MCF2L: variants seen among roughly 807,000 people sequenced by gnomAD.
MCF2L encodes the protein guanine nucleotide exchange factor DBS.
Under a neutral mutation model 153.4 loss-of-function variants are expected in MCF2L, and 97 were observed. The ratio of observed to expected loss-of-function variants is 0.63; its 90% confidence interval spans 0.54 to 0.75. MCF2L has a LOEUF of 0.75. Ranked by LOEUF, MCF2L falls within the 30% of genes least tolerant of loss-of-function variation. MCF2L has a pLI of 0.00. For synonymous variants in MCF2L, 659 were observed against 632.2 expected, an observed-to-expected ratio of 1.04 and a Z score of -0.64; for missense variants, 1,347 against 1,495.2, an observed-to-expected ratio of 0.90 and a Z score of 1.64.
chr13:113,075,850 G>A (rs903594499), intron 11 of MCF2L, 116 bp from the exon 12 acceptor site: 41 of 787,574 alleles, frequency 5.2e-5, no homozygotes, highest in African/African-American at 3.7e-4. Context: ...GCGGGAGCAC[G>A]AGGAGTCGGT....
intron 25 of MCF2L, among the ~76,000 whole-genome samples, chr13:113,089,114 A>G (rs1239191247): frequency 6.6e-6 from 1 of 151,258 alleles, no homozygotes; most frequent in Non-Finnish European, 1.5e-5. Flanking sequence ...GGAACAGGAT[A>G]TGGCCTAAAT....
chr13:113,025,360 T>C (rs183598568), intron 3 of MCF2L, among the ~76,000 whole-genome samples: 1 of 42,884 alleles, frequency 2.3e-5, no homozygotes, highest in Admixed American at 2.2e-4. Flanking sequence ...TGAGGTTTCG[T>C]CATGGTGGGG....
chr13:112,985,922 C>T (rs546518174), intron 1 of MCF2L, among the ~76,000 whole-genome samples: 8 of 152,322 alleles, frequency 5.3e-5, no homozygotes, highest in South Asian at 4.1e-4. Flanking sequence ...GGATCGGCCC[C>T]GGCACACCGA....
At chr13:113,037,663 G>C (rs1039704587) in intron 3 of MCF2L, among the ~76,000 whole-genome samples, 1 of 152,190 alleles carries the variant, frequency 6.6e-6, no homozygotes, top group Admixed American at 6.5e-5. Flanking sequence ...TTGAGGGATT[G>C]AGAGGCTGCA....
chr13:113,026,928 G>A (rs762877208), intron 3 of MCF2L: 22 of 773,814 alleles, frequency 2.8e-5, no homozygotes, highest in South Asian at 1.8e-4. Context: ...GAGGGGTGCC[G>A]CGGGGGTCTC....
intron 4 of MCF2L, among the ~76,000 whole-genome samples, chr13:113,059,545 T>A (rs1274247820): frequency 2.6e-5 from 4 of 152,268 alleles, no homozygotes; most frequent in Non-Finnish European, 4.4e-5. Context: ...TGATGGGGTC[T>A]CCCTGGATTT....
At chr13:113,094,714 A>C (rs938812394) in intron 27 of MCF2L, 79 bp downstream of exon 27, 4 of 1,521,748 alleles carry the variant, frequency 2.6e-6, no homozygotes, top group Admixed American at 2.0e-5. Flanking sequence ...AGGTCCACCC[A>C]GGCTTGGGTC....
rs557678175 is a variant in MCF2L at position 112,979,613 on chromosome 13, G to T, written c.79+10155G>T. ...TCAGGGGGTCGCCTGTGGTCCCTGC[G>T]TGAAGAACCAGAGCTGCCTCCGCTT... On this transcript the variant is annotated intron_variant, in intron 1 of 29. Coordinates refer to ENST00000535094, the MANE Select transcript of MCF2L (RefSeq NM_001112732.3). 2.8e-5 allele frequency: 45 copies of T among 1,609,140 alleles called. No homozygotes were observed. In the South Asian group the frequency reaches 4.1e-4, roughly 15 times the overall value.
intron 1 of MCF2L, among the ~76,000 whole-genome samples, chr13:112,973,055 G>A (rs897838780): frequency 6.6e-6 from 1 of 151,922 alleles, no homozygotes; most frequent in Non-Finnish European, 1.5e-5. Context: ...CTGGGGGGAC[G>A]CGCCCAGGAG....
intron 2 of MCF2L, among the ~76,000 whole-genome samples, chr13:113,016,952 T>C (rs551589794): frequency 1.3e-5 from 2 of 152,178 alleles, no homozygotes; most frequent in Non-Finnish European, 2.9e-5. Context: ...CTCAGAGCCA[T>C]GTACTGAGGG....
Position 113,028,191 on chromosome 13 carries a change from T to C in MCF2L, c.278+3433T>C, listed in dbSNP as rs900402795. Among the ~76,000 whole-genome samples the C allele has an allele frequency of 6.6e-6, 1 of 152,160 alleles. No homozygotes were observed. The highest frequency in any genetic ancestry group is 2.4e-5 in the African/African-American group (1 of 41,430). On this transcript the variant is annotated intron_variant, in intron 3 of 29. Coordinates refer to ENST00000535094, the MANE Select transcript of MCF2L (RefSeq NM_001112732.3). This position sits in a 1 kb window ranked among gnomAD's most constrained non-coding sequence, Gnocchi z 5.4. ...GTCTTAGAAACTTCATGGAGTCCCTTAGCTACCCACATCCCTTTCTCAAGA... is the reference window on the plus strand; with the variant it reads ...GTCTTAGAAACTTCATGGAGTCCCTCAGCTACCCACATCCCTTTCTCAAGA...
In MCF2L at chr13:113,035,213, A is replaced by G. The variant is rs2086079552; in HGVS notation, c.279-10058A>G. Among the ~76,000 whole-genome samples, 1 of 152,120 alleles carries G rather than the reference A, an allele frequency of 6.6e-6. No homozygotes were observed. Among genetic ancestry groups the G allele is most frequent in the South Asian group, 2.1e-4 (1 of 4,818 alleles). ...GGGGCGGCTTCTCTGGGTGACTCTG[A>G]CGCTCTCATTGCTTCACGTTTAATT... is the stretch of plus-strand genomic sequence containing the variant. On this transcript the variant is annotated intron_variant, in intron 3 of 29. Coordinates refer to ENST00000535094, the MANE Select transcript of MCF2L (RefSeq NM_001112732.3). The surrounding 1 kb of genome is among the most constrained non-coding windows in gnomAD (Gnocchi z 4.4).
chr13:113,056,115 T>G (rs1460872478), intron 4 of MCF2L, among the ~76,000 whole-genome samples: 1 of 152,218 alleles, frequency 6.6e-6, no homozygotes, highest in African/African-American at 2.4e-5. Context: ...GTGTGCAGTG[T>G]CCACCCAGTG....
chr13:112,898,719 C>G (rs1249977084), intron 1 of MCF2L, among the ~76,000 whole-genome samples: 3 of 152,332 alleles, frequency 2.0e-5, no homozygotes, highest in South Asian at 2.1e-4. Flanking sequence ...CTCCCTGCCC[C>G]CCAAGTCCCT....
At chr13:113,048,865 G>C (rs978347571) in intron 4 of MCF2L, among the ~76,000 whole-genome samples, 1 of 152,246 alleles carries the variant, frequency 6.6e-6, no homozygotes, top group Non-Finnish European at 1.5e-5. Context: ...CGCCAGCTGG[G>C]TGAGGACAGT....
intron 1 of MCF2L, among the ~76,000 whole-genome samples, chr13:113,008,368 T>C (rs568084232): frequency 1.1e-3 from 107 of 96,236 alleles, no homozygotes; most frequent in African/African-American, 4.6e-3. Context: ...TCTCAGCCCC[T>C]GGACTCCAGC....
upstream of MCF2L, chr13:112,968,340 C>G: frequency 1.5e-6 from 2 of 1,310,866 alleles, no homozygotes; most frequent in South Asian, 2.9e-5. Context: ...GAGGAGAGCT[C>G]AGAGAGTTTC....
At position 113,075,031 on chromosome 13, in the gene MCF2L, G is replaced by C; in HGVS notation, c.1150G>C (p.Asp384His). The C allele has an allele frequency of 6.2e-7, 1 of 1,611,306 alleles. No individual in the cohort carries two copies. The highest frequency in any genetic ancestry group is 1.3e-5 in the African/African-American group (1 of 75,018). The change falls in exon 11 of 30, where the codon GAC (aspartate) becomes CAC (histidine). Residue 384 changes from aspartate to histidine, a missense_variant. Asp to His is a moderately conservative substitution (Grantham distance 81, BLOSUM62 -1). This residue lies in a region of MCF2L where 820 missense variants were observed against 921.2 expected (regional missense o/e 0.89). Transcript: ENST00000535094. ...GGAGAGGGCCCGGGCCCTGTCTCTGGACGGCGAGCAGCTCATTGGGAACAA... is the reference window on the plus strand; with the variant it reads ...GGAGAGGGCCCGGGCCCTGTCTCTGCACGGCGAGCAGCTCATTGGGAACAA... Reference protein sequence around the residue: ...AVERARALSLDGEQLIGNKHY... With the variant: ...AVERARALSLHGEQLIGNKHY...
intron 17 of MCF2L, among the ~76,000 whole-genome samples, chr13:113,083,617 G>A (rs1267547867): frequency 6.6e-6 from 1 of 152,244 alleles, no homozygotes; most frequent in African/African-American, 2.4e-5. Flanking sequence ...CCTAGGGCCA[G>A]GGCTCAGGGT....
Sources: allele counts gnomAD v4.1 joint callset (sites outside exome capture counted in the v4.1 genomes callset), GRCh38; gene constraint gnomAD v4.1.1; regional missense constraint gnomAD v4.1.1; non-coding constraint Gnocchi (gnomAD v3.1); transcripts MANE v1.5; gene names NCBI Gene and HGNC (gene_info 2026-07-23, HGNC 2026-07-21).